Variants in OSTF1 observed in about 807,000 individuals in gnomAD.
The protein encoded by OSTF1 is osteoclast-stimulating factor 1.
A neutral mutation model predicts 37.2 loss-of-function variants in OSTF1; 27 were observed. That is an observed-to-expected ratio of 0.73 (90% CI 0.54 to 1.00). The LOEUF (loss-of-function observed/expected upper bound fraction) is 1.00. Ranked by LOEUF, OSTF1 falls within the 50% of genes least tolerant of loss-of-function variation. OSTF1 has a pLI of 0.00. For missense variants in OSTF1, 232 were observed against 253.8 expected, an observed-to-expected ratio of 0.91 and a Z score of 0.58; for synonymous variants, 82 against 89.2, an observed-to-expected ratio of 0.92 and a Z score of 0.46.
In OSTF1 at chr9:75,088,580, G is replaced by A. The variant is rs1824851350; in HGVS notation, c.-113G>A. On this transcript the variant is annotated 5_prime_UTR_variant, in exon 1 of 10. Coordinates refer to ENST00000346234, the MANE Select transcript of OSTF1 (RefSeq NM_012383.5). ...CCAAGGGTGGGCGCCGGTCCTAGGA[G>A]GCGCACGGTTGTAAGCCAGACAAAA... 3 of 1,177,624 alleles carry A rather than the reference G, an allele frequency of 2.5e-6. No homozygotes were observed. Among genetic ancestry groups the A allele is most frequent in the Non-Finnish European group, 3.7e-6 (3 of 808,944 alleles). 72.9% of individuals were successfully genotyped at this position (1,177,624 alleles called of 1,614,324 possible). A position where few individuals can be genotyped will look rare whatever the true frequency, so the allele number is the denominator to read the frequency against.
At chr9:75,117,141 A>G (rs772537943) in intron 1 of OSTF1, among the ~76,000 whole-genome samples, 22 of 152,252 alleles carry the variant, frequency 1.4e-4, no homozygotes, top group Non-Finnish European at 7.3e-5. Context: ...CATATAATGT[A>G]TAGTGATCAG....
At chr9:75,138,371 C>T (rs945483276) in intron 8 of OSTF1, among the ~76,000 whole-genome samples, 1 of 152,092 alleles carries the variant, frequency 6.6e-6, no homozygotes, top group Admixed American at 6.5e-5. Flanking sequence ...TCTAAAAGGC[C>T]AGACATTATG....
intron 5 of OSTF1, among the ~76,000 whole-genome samples, chr9:75,132,881 A>G (rs1415181899): frequency 1.3e-5 from 2 of 152,060 alleles, no homozygotes; most frequent in East Asian, 3.9e-4. Context: ...ATGAATATGA[A>G]TAGTATCTGC....
Position 75,088,597 on chromosome 9 carries a change from C to T in OSTF1, c.-96C>T, listed in dbSNP as rs577732951. On this transcript the variant is annotated 5_prime_UTR_variant, in exon 1 of 10. Transcript: ENST00000346234. ...TCCTAGGAGGCGCACGGTTGTAAGC[C>T]AGACAAAAAGAACTGGGGTGCCCGG... 7.4e-7 allele frequency: 1 copy of T among 1,345,106 alleles called. No homozygotes were observed. The highest frequency in any genetic ancestry group is 2.5e-5 in the East Asian group (1 of 40,094). The allele number at this position is 1,345,106 out of a possible 1,614,324, so 83.3% of individuals were successfully genotyped here. A position where few individuals can be genotyped will look rare whatever the true frequency, so the allele number is the denominator to read the frequency against.
At chr9:75,115,663 GT>G (rs200346971) in intron 1 of OSTF1, among the ~76,000 whole-genome samples, 5,778 of 122,694 alleles carry the variant, frequency 0.047, 345 homozygotes, top group African/African-American at 0.16. Flanking sequence ...TTTGTTTTTT[GT>G]TTTTTTTTGC....
At chr9:75,138,867 G>A (rs7862639) in intron 8 of OSTF1, among the ~76,000 whole-genome samples, 2 of 151,732 alleles carry the variant, frequency 1.3e-5, no homozygotes, top group African/African-American at 4.9e-5. Flanking sequence ...AGGAGTTTTT[G>A]ATCTGTAGCA....
intron 1 of OSTF1, among the ~76,000 whole-genome samples, chr9:75,092,569 A>T (rs114131740): frequency 0.027 from 4,060 of 152,218 alleles, 187 homozygotes; most frequent in African/African-American, 0.091. Flanking sequence ...AAGTAAAAAT[A>T]TAATTTTTTT....
intron 1 of OSTF1, among the ~76,000 whole-genome samples, chr9:75,114,153 T>TTATG (rs1825440377): frequency 6.6e-6 from 1 of 150,484 alleles, no homozygotes; most frequent in African/African-American, 2.4e-5. Context: ...TAGTATTCTA[T>TTATG]TGTGTGTGTG....
At chr9:75,143,483 T>C (rs1170817082) in intron 9 of OSTF1, among the ~76,000 whole-genome samples, 1 of 152,176 alleles carries the variant, frequency 6.6e-6, no homozygotes, top group African/African-American at 2.4e-5. Flanking sequence ...CATGCCTCCC[T>C]CAGTGTCTTC....
At chr9:75,105,211 A>C (rs1327616563) in intron 1 of OSTF1, among the ~76,000 whole-genome samples, 1 of 152,216 alleles carries the variant, frequency 6.6e-6, no homozygotes. Flanking sequence ...GAAGCAGGTT[A>C]GGAGCTGCAG....
chr9:75,089,738 A>C (rs1022646150), intron 1 of OSTF1, among the ~76,000 whole-genome samples: 8 of 152,332 alleles, frequency 5.3e-5, no homozygotes, highest in African/African-American at 1.9e-4. Flanking sequence ...GAAATGCTGA[A>C]ATTTAATCCA....
intron 6 of OSTF1, among the ~76,000 whole-genome samples, 197 bp downstream of exon 6, chr9:75,133,598 G>GA (rs1825800330): frequency 6.6e-6 from 1 of 152,148 alleles, no homozygotes; most frequent in South Asian, 2.1e-4. Flanking sequence ...TCACTGCATG[G>GA]GTCCCTCTCG....
At chr9:75,136,222 C>A (rs1267652934) in intron 7 of OSTF1, among the ~76,000 whole-genome samples, 1 of 152,132 alleles carries the variant, frequency 6.6e-6, no homozygotes, top group Non-Finnish European at 1.5e-5. Flanking sequence ...TTTCATGACA[C>A]AATATGATCT....
At chr9:75,101,862 T>G (rs1156676045) in intron 1 of OSTF1, among the ~76,000 whole-genome samples, 1 of 152,224 alleles carries the variant, frequency 6.6e-6, no homozygotes, top group African/African-American at 2.4e-5. Context: ...GTATCAGGTT[T>G]GAAAGAGGTT....
At chr9:75,114,275 A>G (rs1825442922) in intron 1 of OSTF1, among the ~76,000 whole-genome samples, 1 of 152,158 alleles carries the variant, frequency 6.6e-6, no homozygotes, top group South Asian at 2.1e-4. Context: ...GTTTAAGATG[A>G]CTGTGTCTTG....
chr9:75,107,126 C>A (rs1292619105), intron 1 of OSTF1, among the ~76,000 whole-genome samples: 3 of 151,762 alleles, frequency 2.0e-5, no homozygotes, highest in African/African-American at 7.3e-5. Flanking sequence ...CCTGTGTTGG[C>A]CCAACAGAGT....
intron 1 of OSTF1, among the ~76,000 whole-genome samples, chr9:75,113,456 C>CT (rs1027543334): frequency 6.9e-4 from 99 of 143,072 alleles, no homozygotes; most frequent in Middle Eastern, 3.6e-3. Flanking sequence ...TTTTCTGTCT[C>CT]TTTTTTTTTT....
At chr9:75,135,497 CT>C (rs1169358657) in intron 7 of OSTF1, among the ~76,000 whole-genome samples, 7 of 152,154 alleles carry the variant, frequency 4.6e-5, no homozygotes, top group African/African-American at 1.7e-4. Flanking sequence ...CTTCTTTGTT[CT>C]TTTGGTTCTG....
At chr9:75,124,643 T>C (rs969145166) in intron 2 of OSTF1, among the ~76,000 whole-genome samples, 2 of 152,198 alleles carry the variant, frequency 1.3e-5, no homozygotes, top group African/African-American at 4.8e-5. Flanking sequence ...ATTTTCATCA[T>C]CCCACAGATC....
Sources: allele counts gnomAD v4.1 joint callset (sites outside exome capture counted in the v4.1 genomes callset), GRCh38; gene constraint gnomAD v4.1.1; transcripts MANE v1.5; gene names NCBI Gene and HGNC (gene_info 2026-07-23, HGNC 2026-07-21).